Variants in SH3BP5 observed in about 807,000 individuals in gnomAD.
SH3BP5 encodes SH3 domain binding protein 5.
In SH3BP5, 22 loss-of-function variants were observed where a neutral mutation model predicts 43.3. The observed-to-expected ratio is 0.51, with a 90% CI of 0.36 to 0.73. The LOEUF is 0.73. Among genes scored for constraint, SH3BP5 ranks in the 30% least tolerant of loss-of-function variants. The probability of loss-of-function intolerance (pLI) is 0.00; values close to 1 mark genes in which losing one functional copy is unlikely to be tolerated. For synonymous variants in SH3BP5, 255 were observed against 225.8 expected, an observed-to-expected ratio of 1.13 and a Z score of -1.16; for missense variants, 529 against 586.9, an observed-to-expected ratio of 0.90 and a Z score of 1.02.
chr3:15,313,709 CAT>C (rs768141438), intron 2 of SH3BP5, among the ~76,000 whole-genome samples: 10 of 152,210 alleles, frequency 6.6e-5, no homozygotes, highest in African/African-American at 9.6e-5. Flanking sequence ...GTGACGATGA[CAT>C]GTGCTACATC....
chr3:15,298,216 C>A (rs758729344), intron 3 of SH3BP5, among the ~76,000 whole-genome samples: 4 of 152,114 alleles, frequency 2.6e-5, no homozygotes, highest in Non-Finnish European at 5.9e-5. Context: ...AGTCCTCCCG[C>A]CTTGGCCTCC....
rs981087280 is a variant in SH3BP5 at position 15,330,626 on chromosome 3, A to G, written c.139-60T>C. 2.8e-6 allele frequency: 4 copies of G among 1,453,584 alleles called. No homozygotes were observed. In the Admixed American group the frequency reaches 7.8e-5, roughly 28 times the overall value. The allele number at this position is 1,453,584 out of a possible 1,614,324, so 90.0% of individuals were successfully genotyped here. On this transcript the variant is annotated intron_variant, in intron 1 of 8. Coordinates refer to ENST00000383791, the MANE Select transcript of SH3BP5 (RefSeq NM_004844.5). ...GGGATCCGTCTTTTGTTTCCAATAT[A>G]ACTCAGTCCATAACCTGAAAAATTA... is the stretch of plus-strand genomic sequence containing the variant.
At chr3:15,322,970 C>T (rs542199548) in intron 2 of SH3BP5, among the ~76,000 whole-genome samples, 1 of 151,970 alleles carries the variant, frequency 6.6e-6, no homozygotes, top group South Asian at 2.1e-4. Flanking sequence ...AAAACCCGGT[C>T]TCTACCAAAA....
intron 3 of SH3BP5, among the ~76,000 whole-genome samples, chr3:15,298,128 C>G (rs1439930835): frequency 6.6e-6 from 1 of 152,024 alleles, no homozygotes; most frequent in African/African-American, 2.4e-5. Context: ...AGGCATGCAC[C>G]ATCATGCCTG....
intron 3 of SH3BP5, among the ~76,000 whole-genome samples, chr3:15,282,357 C>T (rs1697154278): frequency 6.6e-6 from 1 of 152,188 alleles, no homozygotes; most frequent in Non-Finnish European, 1.5e-5. Flanking sequence ...TAGTTAACCA[C>T]AAGCTATGTT....
In SH3BP5 at chr3:15,256,128, T is replaced by C; in HGVS notation, c.1326A>G (p.Arg442=). The C allele has an allele frequency of 6.2e-7, 1 of 1,614,214 alleles. No homozygotes were observed. Among genetic ancestry groups the C allele is most frequent in the Non-Finnish European group, 8.5e-7 (1 of 1,180,026 alleles). ...TTTTTATGTCAGCAATAATTCCATC[T>C]CTTCCCTTTGAGCACTGTAGGGAGA... ...KQLSLQCSKG[R]DGIIADIKMV... Residue 442 remains arginine (R), a synonymous_variant, in exon 9 of 9, where the codon AGA becomes AGG. Coordinates refer to ENST00000383791, the MANE Select transcript of SH3BP5 (RefSeq NM_004844.5).
intron 1 of SH3BP5, chr3:15,331,659 CACA>C (rs1454407590): frequency 6.6e-6 from 1 of 152,294 alleles, no homozygotes; most frequent in African/African-American, 2.4e-5. Flanking sequence ...TGCCCAACCT[CACA>C]ACAAGGAAAA....
At chr3:15,336,135 A>G (rs2124841593), upstream of SH3BP5, among the ~76,000 whole-genome samples, 1 of 152,136 alleles carries the variant, frequency 6.6e-6, no homozygotes, top group South Asian at 2.1e-4. Context: ...ACTCCGTCTC[A>G]AAAAAAAGAA....
At chr3:15,333,629 A>G (rs1191361007), upstream of SH3BP5, among the ~76,000 whole-genome samples, 1 of 152,010 alleles carries the variant, frequency 6.6e-6, no homozygotes, top group Non-Finnish European at 1.5e-5. Context: ...ATACAGCCAG[A>G]CCCCTTCTCA....
In SH3BP5 at chr3:15,332,448, GC is replaced by G. The variant is rs1698639316; in HGVS notation, c.-41del. 6.7e-7 allele frequency: 1 copy of G among 1,494,696 alleles called. No individual in the cohort carries two copies. The highest frequency in any genetic ancestry group is 8.9e-7 in the Non-Finnish European group (1 of 1,128,174). The allele number at this position is 1,494,696 out of a possible 1,614,324, so 92.6% of individuals were successfully genotyped here. ...CGCGCGCCGCGCAGTGGGCTCCGGA[GC>G]GCCCCGGGGGTCGCGGCTGCCACAG... On this transcript the variant is annotated 5_prime_UTR_variant, in exon 1 of 9. Coordinates refer to ENST00000383791, the MANE Select transcript of SH3BP5 (RefSeq NM_004844.5).
chr3:15,332,117 A>G lies in SH3BP5; in HGVS notation c.138+154T>C, dbSNP rs951660099. Reference sequence around the variant, plus strand: ...TAGCCTCCTCATTGTGGAGACGATGAAACGGAGCATACAGACCGTCTCCTG... The same window carrying G: ...TAGCCTCCTCATTGTGGAGACGATGGAACGGAGCATACAGACCGTCTCCTG... On this transcript the variant is annotated intron_variant, in intron 1 of 8. Coordinates refer to ENST00000383791, the MANE Select transcript of SH3BP5 (RefSeq NM_004844.5). 5 of 1,214,324 alleles carry G rather than the reference A, an allele frequency of 4.1e-6. No individual in the cohort carries two copies. The African/African-American group carries it at 7.6e-5, about 18-fold the overall frequency. The allele number at this position is 1,214,324 out of a possible 1,614,324, so 75.2% of individuals were successfully genotyped here.
At chr3:15,309,395 A>G (rs1697993566) in intron 2 of SH3BP5, among the ~76,000 whole-genome samples, 1 of 152,176 alleles carries the variant, frequency 6.6e-6, no homozygotes, top group Admixed American at 6.5e-5. Context: ...CTTAAGAGAC[A>G]GAGTCTTGCT....
intron 2 of SH3BP5, among the ~76,000 whole-genome samples, chr3:15,319,934 G>C (rs1188159103): frequency 6.6e-6 from 1 of 152,180 alleles, no homozygotes; most frequent in Non-Finnish European, 1.5e-5. Flanking sequence ...AGGCAAAATA[G>C]AACAGTTGTT....
chr3:15,277,407 G>A (rs1405540921), intron 3 of SH3BP5, among the ~76,000 whole-genome samples: 2 of 152,174 alleles, frequency 1.3e-5, no homozygotes, highest in Non-Finnish European at 2.9e-5. Context: ...GGTCGGGATG[G>A]GCAGGGAGGT....
chr3:15,322,742 G>A (rs745314953), intron 2 of SH3BP5, among the ~76,000 whole-genome samples: 2 of 152,152 alleles, frequency 1.3e-5, no homozygotes, highest in Admixed American at 6.5e-5. Flanking sequence ...GACTGAGGTG[G>A]GAGGATCACT....
chr3:15,312,403 T>C (rs1304979408), intron 2 of SH3BP5, among the ~76,000 whole-genome samples: 1 of 152,224 alleles, frequency 6.6e-6, no homozygotes, highest in Non-Finnish European at 1.5e-5. Flanking sequence ...AATAAATGTC[T>C]TTTGATTTTT....
At chr3:15,337,465 T>C (rs1190724031), upstream of SH3BP5, among the ~76,000 whole-genome samples, 1 of 152,186 alleles carries the variant, frequency 6.6e-6, no homozygotes, top group Non-Finnish European at 1.5e-5. Context: ...CTGTTTTTTG[T>C]TTTTAGATCT....
At chr3:15,323,380 C>A (rs1248261939) in intron 2 of SH3BP5, among the ~76,000 whole-genome samples, 1 of 152,186 alleles carries the variant, frequency 6.6e-6, no homozygotes, top group African/African-American at 2.4e-5. Flanking sequence ...GGCCCCATGG[C>A]CAGTTTGGCC....
chr3:15,257,572 C>T (rs1288958142), intron 7 of SH3BP5: 3 of 156,336 alleles, frequency 1.9e-5, no homozygotes, highest in Non-Finnish European at 4.2e-5. Context: ...AACAGGCCAG[C>T]ATGGAACATC....
Sources: gnomAD v4.1 joint callset for allele counts (sites outside exome capture counted in the v4.1 genomes callset) on GRCh38, gnomAD v4.1.1 for gene constraint, MANE v1.5 for transcripts, NCBI Gene and HGNC (gene_info 2026-07-23, HGNC 2026-07-21) for gene names.